The following RAB2B variants were observed in gnomAD, a reference collection of about 807,000 sequenced individuals.
RAB2B encodes the protein RAB2B, member RAS oncogene family.
RAB2B carries 20 observed loss-of-function variants against 29.8 expected under a neutral mutation model. The observed-to-expected ratio is 0.67, with a 90% CI of 0.47 to 0.97. The LOEUF is 0.97. Ranked by LOEUF, RAB2B falls within the 50% of genes least tolerant of loss-of-function variation. The probability of loss-of-function intolerance (pLI) is 0.00; values close to 1 mark genes in which losing one functional copy is unlikely to be tolerated. For missense variants in RAB2B, 218 were observed against 272.0 expected (o/e 0.80, Z 1.40); for synonymous variants, 93 against 91.7 (o/e 1.01, Z -0.08).
rs28927672 is a variant in RAB2B, at chr14:21,460,238, A to G, written c.*958T>C. On this transcript the variant is annotated 3_prime_UTR_variant, in exon 8 of 8. Transcript: ENST00000397762. ...GATCTAGGTAATTGCAAGTGTTCAA[A>G]TAGAATGTCTTTGACCCTAATTCTT... 78,480 of 515,238 alleles carry G rather than the reference A, an allele frequency of 0.15. 8,707 individuals carry two copies. Among genetic ancestry groups the G allele is most frequent in the African/African-American group, 0.36 (18,510 of 51,648 alleles). 31.9% of individuals were successfully genotyped at this position (515,238 alleles called of 1,614,324 possible).
At position 21,464,403 on chromosome 14, in the gene RAB2B, C is replaced by T. The variant is rs565905875; in HGVS notation, c.363-636G>A. ...CGACAGAGCAAGACTGTCTCTTGGG[C>T]GGGGAAGAAAAAAAGGAAAACTCTA... is the stretch of plus-strand genomic sequence containing the variant. On this transcript the variant is annotated intron_variant, in intron 5 of 7. Transcript: ENST00000397762. Among the ~76,000 whole-genome samples the T allele has an allele frequency of 1.3e-4, 16 of 126,738 alleles. No homozygotes were observed. In the South Asian group the frequency reaches 4.9e-3, roughly 39 times the overall value. The allele number at this position is 126,738 out of a possible 152,430, so 83.1% of individuals were successfully genotyped here. A position where few individuals can be genotyped will look rare whatever the true frequency, so the allele number is the denominator to read the frequency against.
In RAB2B at chr14:21,461,233, T is replaced by C; in HGVS notation, c.614A>G (p.Asn205Ser). The change falls in exon 8 of 8, where the codon AAC becomes AGC. Residue 205 changes from asparagine to serine, a missense_variant. By Grantham distance (46) the Asn-to-Ser change is conservative (BLOSUM62 1). Transcript: ENST00000397762. ...AGAGTTGGACCCTATGTCACGAGAG[T>C]TCCGCTGGGAGGCACTGGGTCCCAC... ...TSVGPSASQR[N>S]SRDIGSNSGC... 6.2e-7 allele frequency: 1 copy of C among 1,613,738 alleles called. No individual in the cohort carries two copies. The highest frequency in any genetic ancestry group is 8.5e-7 in the Non-Finnish European group (1 of 1,179,810).
At chr14:21,464,818 A>G (rs2139595727) in intron 5 of RAB2B, among the ~76,000 whole-genome samples, 1 of 152,208 alleles carries the variant, frequency 6.6e-6, no homozygotes, top group East Asian at 1.9e-4. Flanking sequence ...AGCCTGCACA[A>G]TACAGTGAGA....
chr14:21,469,137 A>G (rs1890750044), intron 3 of RAB2B, among the ~76,000 whole-genome samples: 1 of 152,014 alleles, frequency 6.6e-6, no homozygotes, highest in South Asian at 2.1e-4. Flanking sequence ...AGGACTGGAA[A>G]CGGAGTGTAT....
At chr14:21,463,229 C>A (rs368377396) in intron 6 of RAB2B, among the ~76,000 whole-genome samples, 1 of 148,052 alleles carries the variant, frequency 6.8e-6, no homozygotes, top group East Asian at 2.0e-4. Context: ...GTAGTCACTA[C>A]GATCAGAAGA....
chr14:21,468,064 G>C (rs969662526), intron 5 of RAB2B, among the ~76,000 whole-genome samples: 13 of 152,190 alleles, frequency 8.5e-5, no homozygotes, highest in Non-Finnish European at 1.3e-4. Context: ...GGATGGGGGA[G>C]GGAAGATGGA....
At position 21,460,780 on chromosome 14, in the gene RAB2B, A is replaced by T. The variant is rs977898050; in HGVS notation, c.*416T>A. On this transcript the variant is annotated 3_prime_UTR_variant, in exon 8 of 8. Coordinates refer to ENST00000397762, the MANE Select transcript of RAB2B (RefSeq NM_032846.4). Reference sequence around the variant, plus strand: ...AGGCATGCACCACCACACCCAGCTAATTTTGTATTTTCAGTTGAGATGGCA... The same window carrying T: ...AGGCATGCACCACCACACCCAGCTATTTTTGTATTTTCAGTTGAGATGGCA... 8 of 152,904 alleles carry T rather than the reference A, an allele frequency of 5.2e-5. No homozygotes were observed. The highest frequency in any genetic ancestry group is 1.9e-4 in the African/African-American group (8 of 41,208). 9.5% of individuals were successfully genotyped at this position (152,904 alleles called of 1,614,324 possible).
chr14:21,476,863 C>T lies in RAB2B; in HGVS notation c.10G>A (p.Ala4Thr). ...ATGATGATATACTTGAAGAGATAAGCATAAGTCATGGTGTCGCGTCCTCTG... is the reference window on the plus strand; with the variant it reads ...ATGATGATATACTTGAAGAGATAAGTATAAGTCATGGTGTCGCGTCCTCTG... MTY[A>T]YLFKYIIIGD... Residue 4 changes from alanine to threonine, a missense_variant, in exon 1 of 8, where the codon GCT (alanine) becomes ACT (threonine). Coordinates refer to ENST00000397762, the MANE Select transcript of RAB2B (RefSeq NM_032846.4). 1 of 1,613,528 alleles carries T rather than the reference C, an allele frequency of 6.2e-7. No homozygotes were observed. The highest frequency in any genetic ancestry group is 8.5e-7 in the Non-Finnish European group (1 of 1,180,022).
intron 7 of RAB2B, among the ~76,000 whole-genome samples, 163 bp downstream of exon 7, chr14:21,462,187 C>T (rs1890571515): frequency 6.9e-6 from 1 of 144,270 alleles, no homozygotes; most frequent in South Asian, 2.2e-4. Context: ...TGACAGGTCT[C>T]TGTGTACCTA....
At position 21,460,158 on chromosome 14, in the gene RAB2B, GA is replaced by G. The variant is rs748963527; in HGVS notation, c.*1037del. 67 of 518,822 alleles carry G rather than the reference GA, an allele frequency of 1.3e-4. No homozygotes were observed. Among genetic ancestry groups the G allele is most frequent in the African/African-American group, 1.2e-3 (61 of 52,038 alleles). The allele number at this position is 518,822 out of a possible 1,614,324, so 32.1% of individuals were successfully genotyped here. ...CAAGCAGACACCCAAAGGCAAGGAA[GA>G]AAAAAACTCAATGAAATTCCGAGGC... On this transcript the variant is annotated 3_prime_UTR_variant, in exon 8 of 8. Transcript: ENST00000397762.
intron 1 of RAB2B, 46 bp from the exon 2 acceptor site, chr14:21,476,645 C>G (rs552151555): frequency 6.2e-7 from 1 of 1,613,572 alleles, no homozygotes; most frequent in South Asian, 1.1e-5. Context: ...CCTGGAACAC[C>G]TTCCAGAGTA....
chr14:21,464,997 G>A (rs1344594169), intron 5 of RAB2B, among the ~76,000 whole-genome samples: 4 of 143,906 alleles, frequency 2.8e-5, no homozygotes, highest in Middle Eastern at 6.5e-3. Flanking sequence ...AGACCTTGTC[G>A]CAAAAAAAAA....
At chr14:21,469,834 G>C (rs1213785754) in intron 3 of RAB2B, among the ~76,000 whole-genome samples, 2 of 151,608 alleles carry the variant, frequency 1.3e-5, no homozygotes. Context: ...CACTGCAATA[G>C]TACTATAAAC....
chr14:21,460,001 C>A lies in RAB2B; in HGVS notation c.*1195G>T, dbSNP rs1163351255. The A allele has an allele frequency of 2.8e-6, 1 of 360,332 alleles. No individual in the cohort carries two copies. The highest frequency in any genetic ancestry group is 5.5e-6 in the Non-Finnish European group (1 of 181,514). The allele number at this position is 360,332 out of a possible 1,614,324, so 22.3% of individuals were successfully genotyped here. On this transcript the variant is annotated 3_prime_UTR_variant, in exon 8 of 8. Coordinates refer to ENST00000397762, the MANE Select transcript of RAB2B (RefSeq NM_032846.4). Reference sequence around the variant, plus strand: ...ATAATAAGTGGCCACATGTCCCTGACCAACTTCACTGCTCTTAAAAGTTTT... The same window carrying A: ...ATAATAAGTGGCCACATGTCCCTGAACAACTTCACTGCTCTTAAAAGTTTT...
At chr14:21,472,283 T>A (rs1323609511) in intron 3 of RAB2B, among the ~76,000 whole-genome samples, 2 of 152,228 alleles carry the variant, frequency 1.3e-5, no homozygotes, top group Non-Finnish European at 2.9e-5. Flanking sequence ...CACGATTTTT[T>A]AAAATATGCT....
At chr14:21,465,023 C>CA (rs1202228887) in intron 5 of RAB2B, among the ~76,000 whole-genome samples, 1 of 151,538 alleles carries the variant, frequency 6.6e-6, no homozygotes, top group Non-Finnish European at 1.5e-5. Context: ...ACCAAAAAAA[C>CA]AAACTGAAGA....
Position 21,476,818 on chromosome 14 carries a change from G to C in RAB2B, c.46+9C>G, listed in dbSNP as rs1334491887. The C allele has an allele frequency of 6.8e-6, 11 of 1,612,052 alleles. No individual in the cohort carries two copies. Among genetic ancestry groups the C allele is most frequent in the Non-Finnish European group, 9.3e-6 (11 of 1,179,806 alleles). On this transcript the variant is annotated intron_variant, in intron 1 of 7. Transcript: ENST00000397762. ...CCCGAGCCTTGAAGGCGAACCACCTGAGGGTTACCTGTGTCTCCGATGATG... is the reference window on the plus strand; with the variant it reads ...CCCGAGCCTTGAAGGCGAACCACCTCAGGGTTACCTGTGTCTCCGATGATG...
At chr14:21,462,219 A>G (rs1566465906) in intron 7 of RAB2B, 131 bp downstream of exon 7, 2 of 616,830 alleles carry the variant, frequency 3.2e-6, no homozygotes. Flanking sequence ...AAAAAAAAAA[A>G]AGTGTTGAAT....
At chr14:21,471,919 G>T (rs990830058) in intron 3 of RAB2B, among the ~76,000 whole-genome samples, 2 of 151,572 alleles carry the variant, frequency 1.3e-5, no homozygotes, top group Non-Finnish European at 2.9e-5. Flanking sequence ...CAGGTGATCC[G>T]CCTGCCTCAG....
Sources: allele counts gnomAD v4.1 joint callset (sites outside exome capture counted in the v4.1 genomes callset), GRCh38; gene constraint gnomAD v4.1.1; transcripts MANE v1.5; gene names NCBI Gene and HGNC (gene_info 2026-07-23, HGNC 2026-07-21).